Variants in CAP2 observed in about 807,000 individuals in gnomAD.
CAP2 encodes the protein cyclase associated actin cytoskeleton regulatory protein 2.
A neutral mutation model predicts 57.7 loss-of-function variants in CAP2; 24 were observed. The ratio of observed to expected loss-of-function variants is 0.42; its 90% CI spans 0.30 to 0.58. The LOEUF (loss-of-function observed/expected upper bound fraction) is 0.58, where lower values mean the gene tolerates loss of function less well. Ranked by LOEUF, CAP2 falls within the 20% of genes least tolerant of loss-of-function variation. CAP2 has a pLI of 0.22. For missense variants in CAP2, 501 were observed against 590.3 expected (o/e 0.85, Z 1.57); for synonymous variants, 194 against 207.2 (o/e 0.94, Z 0.55).
intron 2 of CAP2, among the ~76,000 whole-genome samples, chr6:17,424,015 C>T (rs571830745): frequency 2.9e-4 from 44 of 152,078 alleles, no homozygotes; most frequent in Non-Finnish European, 5.0e-4. Flanking sequence ...TTAACAAATC[C>T]GCCGAACAAC....
At chr6:17,520,738 A>T (rs1447768127) in intron 7 of CAP2, among the ~76,000 whole-genome samples, 1 of 152,220 alleles carries the variant, frequency 6.6e-6, no homozygotes, top group Non-Finnish European at 1.5e-5. Flanking sequence ...ACTCTGTGGC[A>T]TGTCATTAAC....
intron 4 of CAP2, among the ~76,000 whole-genome samples, chr6:17,470,861 C>T (rs1581546527): frequency 6.6e-6 from 1 of 152,258 alleles, no homozygotes; most frequent in East Asian, 1.9e-4. Flanking sequence ...CAGACTAATA[C>T]CCCATTTCTC....
intron 2 of CAP2, among the ~76,000 whole-genome samples, chr6:17,426,133 T>G (rs952290946): frequency 6.6e-6 from 1 of 151,474 alleles, no homozygotes; most frequent in African/African-American, 2.4e-5. Flanking sequence ...CCAAACACAT[T>G]GATTGAGTGA....
intron 4 of CAP2, among the ~76,000 whole-genome samples, chr6:17,463,708 A>G (rs1425340938): frequency 6.6e-6 from 1 of 152,204 alleles, no homozygotes; most frequent in Non-Finnish European, 1.5e-5. Flanking sequence ...CGTGATGCCC[A>G]TGCTGCTGAT....
chr6:17,556,512 A>G lies in CAP2; in HGVS notation c.*70A>G. 1 of 1,132,080 alleles carries G rather than the reference A, an allele frequency of 8.8e-7. No individual in the cohort carries two copies. Among genetic ancestry groups the G allele is most frequent in the Non-Finnish European group, 1.3e-6 (1 of 741,324 alleles). The allele number at this position is 1,132,080 out of a possible 1,614,324, so 70.1% of individuals were successfully genotyped here. ...AACAAACAAAAAAGCAGCAGTAAAG[A>G]GCTAGAAGTTGCAGTAGCCCCTACT... On this transcript the variant is annotated 3_prime_UTR_variant, in exon 13 of 13. Coordinates refer to ENST00000229922, the MANE Select transcript of CAP2 (RefSeq NM_006366.3).
chr6:17,466,332 A>G (rs1760864090), intron 4 of CAP2, among the ~76,000 whole-genome samples: 1 of 152,162 alleles, frequency 6.6e-6, no homozygotes, highest in Non-Finnish European at 1.5e-5. Context: ...GTCAGAACTC[A>G]GACTGCTGGG....
intron 3 of CAP2, among the ~76,000 whole-genome samples, chr6:17,452,382 C>T (rs768596009): frequency 4.6e-5 from 7 of 152,186 alleles, no homozygotes; most frequent in South Asian, 2.1e-4. Flanking sequence ...GTCGATGGCA[C>T]TTCTGGCTTA....
intron 4 of CAP2, among the ~76,000 whole-genome samples, chr6:17,467,899 T>C (rs551171503): frequency 1.6e-4 from 24 of 152,152 alleles, no homozygotes; most frequent in Non-Finnish European, 3.1e-4. Flanking sequence ...GTAGGCCTTA[T>C]TCATTCTTTC....
At chr6:17,406,524 G>C (rs1264013294) in intron 1 of CAP2, among the ~76,000 whole-genome samples, 1 of 151,608 alleles carries the variant, frequency 6.6e-6, no homozygotes, top group Non-Finnish European at 1.5e-5. Flanking sequence ...CTCCTGCATA[G>C]CTGGGATTAC....
intron 11 of CAP2, among the ~76,000 whole-genome samples, chr6:17,543,862 C>T (rs1364256811): frequency 3.3e-5 from 5 of 152,042 alleles, no homozygotes; most frequent in African/African-American, 7.2e-5. Context: ...TGGTGGCTCA[C>T]GCCTGTAATC....
intron 3 of CAP2, among the ~76,000 whole-genome samples, chr6:17,437,841 C>T (rs1355413326): frequency 6.6e-6 from 1 of 152,130 alleles, no homozygotes; most frequent in Non-Finnish European, 1.5e-5. Flanking sequence ...CACGCCACTG[C>T]ACTCGGTCCA....
intron 4 of CAP2, among the ~76,000 whole-genome samples, chr6:17,491,060 A>G (rs1206624652): frequency 6.6e-6 from 1 of 152,142 alleles, no homozygotes; most frequent in Non-Finnish European, 1.5e-5. Flanking sequence ...TTGAGCCGGT[A>G]GAAACTCAGT....
chr6:17,406,480 G>A (rs1210965098), intron 1 of CAP2, among the ~76,000 whole-genome samples: 1 of 147,922 alleles, frequency 6.8e-6, no homozygotes, highest in African/African-American at 2.6e-5. Flanking sequence ...TGCAACCTCC[G>A]CCTCCTGGAT....
intron 3 of CAP2, among the ~76,000 whole-genome samples, chr6:17,430,144 TG>T (rs1317127342): frequency 1.8e-4 from 28 of 152,210 alleles, no homozygotes; most frequent in African/African-American, 6.8e-4. Context: ...TGTTGGCTGC[TG>T]GTTGGGCTTA....
chr6:17,412,216 A>G (rs1257927924), intron 1 of CAP2, among the ~76,000 whole-genome samples: 3 of 152,100 alleles, frequency 2.0e-5, no homozygotes, highest in Admixed American at 2.0e-4. Context: ...GCCCAGTGCC[A>G]TGGACAGCTG....
chr6:17,529,610 C>T (rs191146235), intron 7 of CAP2, among the ~76,000 whole-genome samples: 2,557 of 142,560 alleles, frequency 0.018, 32 homozygotes, highest in Middle Eastern at 0.022. Context: ...CACTGCACTC[C>T]GGCCTGGGCA....
In CAP2 at chr6:17,465,483, C is replaced by G. The variant is rs141786407; in HGVS notation, c.300+2410C>G. 4.0e-3 allele frequency among the ~76,000 whole-genome samples: 612 copies of G among 152,338 alleles called. 3 individuals are homozygous for G. Among genetic ancestry groups the G allele is most frequent in the Non-Finnish European group, 6.9e-3 (471 of 68,026 alleles). On this transcript the variant is annotated intron_variant, in intron 4 of 12. Transcript: ENST00000229922. ...GGACCAGGACCAGGAAAATGCAGAGCAGGCTTATGATGCCTACCTCCCTTC... is the reference window on the plus strand; with the variant it reads ...GGACCAGGACCAGGAAAATGCAGAGGAGGCTTATGATGCCTACCTCCCTTC...
At position 17,543,117 on chromosome 6, in the gene CAP2, A is replaced by G; in HGVS notation, c.1183A>G (p.Ile395Val). ...FDNVVGIVEV[I>V]NSQDIQIQVM... ...CAATGTGGTGGGCATTGTGGAAGTG[A>G]TCAACTCCCAGGACATTCAAATCCA... is the stretch of plus-strand genomic sequence containing the variant. The change falls in exon 11 of 13, where the codon ATC becomes GTC. Residue 395 changes from isoleucine to valine, a missense_variant. Ile to Val is a conservative substitution (Grantham distance 29). Transcript: ENST00000229922. 3.1e-6 allele frequency: 5 copies of G among 1,614,038 alleles called. No homozygotes were observed. The highest frequency in any genetic ancestry group is 4.2e-6 in the Non-Finnish European group (5 of 1,179,904).
At chr6:17,515,898 G>A (rs1762265872) in intron 7 of CAP2, among the ~76,000 whole-genome samples, 1 of 152,120 alleles carries the variant, frequency 6.6e-6, no homozygotes, top group Non-Finnish European at 1.5e-5. Flanking sequence ...GTCTCACCGT[G>A]TGTTCCAGCA....
Sources: allele counts gnomAD v4.1 joint callset (sites outside exome capture counted in the v4.1 genomes callset), GRCh38; gene constraint gnomAD v4.1.1; transcripts MANE v1.5; gene names NCBI Gene and HGNC (gene_info 2026-07-23, HGNC 2026-07-21).